The following CTNND2 variants were observed in gnomAD, a reference collection of about 807,000 sequenced individuals.
The protein encoded by CTNND2 is catenin delta 2.
CTNND2 carries 22 observed loss-of-function variants against 144.4 expected under a neutral mutation model. The observed-to-expected ratio is 0.15, with a 90% CI of 0.11 to 0.22. The LOEUF (loss-of-function observed/expected upper bound fraction) is 0.22, where lower values mean the gene tolerates loss of function less well. Among genes scored for constraint, CTNND2 ranks in the 10% least tolerant of loss-of-function variants. The pLI is 1.00. For synonymous variants in CTNND2, 751 were observed against 695.6 expected, an observed-to-expected ratio of 1.08 and a Z score of -1.25; for missense variants, 1,353 against 1,618.8, an observed-to-expected ratio of 0.84 and a Z score of 2.82.
intron 1 of CTNND2, among the ~76,000 whole-genome samples, chr5:11,803,191 G>A (rs191224800): frequency 1.1e-3 from 169 of 151,802 alleles, no homozygotes; most frequent in African/African-American, 2.8e-3. Context: ...ATGGTGGCGC[G>A]TGCCTGTAAT....
At chr5:11,296,910 C>A (rs867771066) in intron 9 of CTNND2, among the ~76,000 whole-genome samples, 1 of 152,156 alleles carries the variant, frequency 6.6e-6, no homozygotes, top group Non-Finnish European at 1.5e-5. Flanking sequence ...GCGCAGCACA[C>A]CAACATGGCA....
intron 2 of CTNND2, among the ~76,000 whole-genome samples, chr5:11,717,038 TTGTA>T (rs1318819342): frequency 4.6e-5 from 7 of 151,914 alleles, no homozygotes; most frequent in Non-Finnish European, 1.0e-4. Context: ...CAGCTAATTG[TTGTA>T]TTTTTAGTAA....
intron 2 of CTNND2, among the ~76,000 whole-genome samples, chr5:11,610,197 A>G (rs369046156): frequency 2.6e-5 from 4 of 152,308 alleles, no homozygotes; most frequent in South Asian, 4.1e-4. Flanking sequence ...GGCCAGCCCA[A>G]TTATAGCAGT....
intron 9 of CTNND2, among the ~76,000 whole-genome samples, chr5:11,277,739 C>A (rs1386855155): frequency 6.6e-6 from 1 of 151,956 alleles, no homozygotes; most frequent in Non-Finnish European, 1.5e-5. Flanking sequence ...ACCATGTTGG[C>A]CAGGCTGGTC....
chr5:11,198,516 C>G (rs1482609906), intron 11 of CTNND2, among the ~76,000 whole-genome samples: 1 of 152,186 alleles, frequency 6.6e-6, no homozygotes, highest in Non-Finnish European at 1.5e-5. Flanking sequence ...ACATTTTCAT[C>G]TACTTCATCA....
At chr5:11,774,405 TG>T (rs1437303431) in intron 1 of CTNND2, among the ~76,000 whole-genome samples, 2 of 49,886 alleles carry the variant, frequency 4.0e-5, no homozygotes, top group East Asian at 7.1e-4. Flanking sequence ...CATGGTGGGG[TG>T]GGGGGAGGGG....
chr5:11,790,121 G>A (rs1235298662), intron 1 of CTNND2, among the ~76,000 whole-genome samples: 1 of 152,158 alleles, frequency 6.6e-6, no homozygotes, highest in Non-Finnish European at 1.5e-5. Context: ...AAATTGAGCT[G>A]GACCTATCAT....
intron 1 of CTNND2, among the ~76,000 whole-genome samples, chr5:11,802,528 T>C (rs1023945490): frequency 2.0e-5 from 3 of 151,860 alleles, no homozygotes; most frequent in Non-Finnish European, 4.4e-5. Flanking sequence ...GATCGTGCCA[T>C]TGCACTCCAG....
At chr5:11,056,096 C>G (rs1746326794) in intron 16 of CTNND2, among the ~76,000 whole-genome samples, 1 of 152,182 alleles carries the variant, frequency 6.6e-6, no homozygotes, top group Non-Finnish European at 1.5e-5. Context: ...GTGTCTCCCA[C>G]CATCAGGCTT....
intron 9 of CTNND2, among the ~76,000 whole-genome samples, 179 bp downstream of exon 9, chr5:11,346,193 C>T (rs1321952050): frequency 6.6e-6 from 1 of 152,092 alleles, no homozygotes; most frequent in East Asian, 1.9e-4. Flanking sequence ...GATGAACCAC[C>T]AAAGATACTA....
intron 12 of CTNND2, among the ~76,000 whole-genome samples, chr5:11,128,175 A>G (rs1335874197): frequency 6.6e-6 from 1 of 152,146 alleles, no homozygotes; most frequent in Admixed American, 6.5e-5. Flanking sequence ...GGGATGGCAG[A>G]GATCCCAAGA....
intron 2 of CTNND2, among the ~76,000 whole-genome samples, chr5:11,662,334 A>G (rs1783314721): frequency 6.6e-6 from 1 of 150,988 alleles, no homozygotes; most frequent in Non-Finnish European, 1.5e-5. Flanking sequence ...TAACTCACAC[A>G]ATCACGATCA....
At chr5:11,159,869 G>T in intron 11 of CTNND2, 110 bp from the exon 12 acceptor site, 1 of 817,726 alleles carries the variant, frequency 1.2e-6, no homozygotes, top group Non-Finnish European at 1.9e-6. Flanking sequence ...TGAAAATACT[G>T]TGGACACACA....
chr5:11,869,453 T>C (rs925055699), intron 1 of CTNND2, among the ~76,000 whole-genome samples: 5 of 152,206 alleles, frequency 3.3e-5, no homozygotes, highest in African/African-American at 4.8e-5. Flanking sequence ...AGTATCATGC[T>C]GAGTGAAATA....
chr5:11,371,724 T>C (rs1757492834), intron 7 of CTNND2, among the ~76,000 whole-genome samples: 2 of 152,254 alleles, frequency 1.3e-5, no homozygotes, highest in Admixed American at 6.5e-5. Context: ...ATCATTACTT[T>C]GTTGTAATTA....
intron 2 of CTNND2, among the ~76,000 whole-genome samples, chr5:11,668,499 C>T (rs188692811): frequency 2.6e-3 from 399 of 152,230 alleles, no homozygotes; most frequent in Non-Finnish European, 4.1e-3. Flanking sequence ...AAGCTGAATT[C>T]CTAGGTATTT....
chr5:11,399,877 T>C (rs1760477304), intron 5 of CTNND2, among the ~76,000 whole-genome samples: 1 of 152,240 alleles, frequency 6.6e-6, no homozygotes, highest in African/African-American at 2.4e-5. Flanking sequence ...CATTTTAGAA[T>C]GTTTTTCCAT....
chr5:11,810,623 T>C lies in CTNND2; in HGVS notation c.38-78351A>G, dbSNP rs189949936. ...CAATTGTGGCATGTCAGAAAAATCA[T>C]TATCTTGAAAAACAACTTTGTTTCT... On this transcript the variant is annotated intron_variant, in intron 1 of 21. Transcript: ENST00000304623. Among the ~76,000 whole-genome samples the C allele has an allele frequency of 4.9e-4, 75 of 152,332 alleles. No individual in the cohort carries two copies. In the East Asian group the frequency reaches 0.014, roughly 28 times the overall value.
At chr5:11,184,116 G>C (rs4702791) in intron 11 of CTNND2, among the ~76,000 whole-genome samples, 26,165 of 152,126 alleles carry the variant, frequency 0.17, 2,676 homozygotes, top group East Asian at 0.28. Context: ...TCAGTATCTC[G>C]CAGTCTTAGA....
Sources: allele counts gnomAD v4.1 joint callset (sites outside exome capture counted in the v4.1 genomes callset), GRCh38; gene constraint gnomAD v4.1.1; transcripts MANE v1.5; gene names NCBI Gene and HGNC (gene_info 2026-07-23, HGNC 2026-07-21).